The following ZFPM2 variants were observed in gnomAD, a reference collection of about 807,000 sequenced individuals.
ZFPM2 encodes the protein zinc finger protein, FOG family member 2.
ZFPM2 carries 20 observed loss-of-function variants against 98.6 expected under a neutral mutation model. The observed-to-expected ratio is 0.20, with a 90% CI of 0.14 to 0.29. The LOEUF (loss-of-function observed/expected upper bound fraction) is 0.29. Ranked by LOEUF, ZFPM2 falls within the 10% of genes least tolerant of loss-of-function variation. ZFPM2 has a pLI of 1.00. For synonymous variants in ZFPM2, 518 were observed against 502.7 expected (o/e 1.03, Z -0.41); for missense variants, 1,310 against 1,388.6 (o/e 0.94, Z 0.90).
intron 5 of ZFPM2, among the ~76,000 whole-genome samples, chr8:105,710,663 T>TTGTGTG (rs34170034): frequency 5.6e-5 from 8 of 143,812 alleles, no homozygotes; most frequent in Non-Finnish European, 7.7e-5. Flanking sequence ...ATGCACAAAA[T>TTGTGTG]TGTGTGTGTG....
intron 4 of ZFPM2, among the ~76,000 whole-genome samples, chr8:105,617,142 C>T (rs1458752495): frequency 2.7e-5 from 4 of 145,662 alleles, no homozygotes; most frequent in Non-Finnish European, 6.0e-5. Flanking sequence ...GTGTTTTCTG[C>T]GTCGTTTCCT....
At chr8:105,413,600 A>G (rs975799093) in intron 1 of ZFPM2, among the ~76,000 whole-genome samples, 1 of 151,154 alleles carries the variant, frequency 6.6e-6, no homozygotes, top group Non-Finnish European at 1.5e-5. Flanking sequence ...TTTGTTTTAT[A>G]TACATTGGAG....
chr8:105,439,163 T>C (rs946458523), intron 2 of ZFPM2, among the ~76,000 whole-genome samples: 1 of 152,238 alleles, frequency 6.6e-6, no homozygotes, highest in African/African-American at 2.4e-5. Flanking sequence ...TTTGTGTGAA[T>C]GTAAGGACAA....
chr8:105,632,715 T>C (rs570499523), intron 4 of ZFPM2, among the ~76,000 whole-genome samples: 70 of 152,282 alleles, frequency 4.6e-4, no homozygotes, highest in African/African-American at 1.4e-3. Flanking sequence ...GAATATAAAA[T>C]TACATCTTTT....
chr8:105,371,501 T>C (rs1267519349), intron 1 of ZFPM2, among the ~76,000 whole-genome samples: 1 of 152,102 alleles, frequency 6.6e-6, no homozygotes, highest in Non-Finnish European at 1.5e-5. Flanking sequence ...GATCAAAAGT[T>C]ATGTAAGAAC....
chr8:105,797,895 G>A (rs1037681789), intron 6 of ZFPM2, among the ~76,000 whole-genome samples: 1 of 152,150 alleles, frequency 6.6e-6, no homozygotes, highest in African/African-American at 2.4e-5. Flanking sequence ...AATGTAATTA[G>A]CTGACCACAT....
chr8:105,611,134 A>AT (rs1046190030), intron 4 of ZFPM2, among the ~76,000 whole-genome samples: 1 of 152,126 alleles, frequency 6.6e-6, no homozygotes, highest in African/African-American at 2.4e-5. Flanking sequence ...ACTTTTGCTT[A>AT]TTATATTAAC....
chr8:105,396,686 G>A (rs1395783804), intron 1 of ZFPM2, among the ~76,000 whole-genome samples: 1 of 152,114 alleles, frequency 6.6e-6, no homozygotes. Flanking sequence ...TACTTTTTAT[G>A]TTGCATTTCA....
Position 105,686,529 on chromosome 8 carries a change from CAT to C in ZFPM2, c.532+52173_532+52174del, listed in dbSNP as rs75344635. Among the ~76,000 whole-genome samples, 615 of 152,170 alleles carry C rather than the reference CAT, an allele frequency of 4.0e-3. 1 individual carries two copies. The highest frequency in any genetic ancestry group is 6.5e-3 in the Non-Finnish European group (441 of 67,994). Reference sequence around the variant, plus strand: ...GTTCATTTCTTCCGAGTTGACAACACATGTTTGAAACATATGTAGGAAATATA... The same window carrying C: ...GTTCATTTCTTCCGAGTTGACAACACGTTTGAAACATATGTAGGAAATATA... On this transcript the variant is annotated intron_variant, in intron 5 of 7. Transcript: ENST00000407775.
rs1261882920 is a variant in ZFPM2 at position 105,563,578 on chromosome 8, G to T, written c.420+2097G>T. 5.3e-5 allele frequency among the ~76,000 whole-genome samples: 8 copies of T among 152,226 alleles called. No individual in the cohort carries two copies. In the East Asian group the frequency reaches 1.4e-3, roughly 26 times the overall value. On this transcript the variant is annotated intron_variant, in intron 4 of 7. Transcript: ENST00000407775. ...CACAAAATGCAGGCCTCAGTTGATT[G>T]AGTTGTATTAACAGATTGTTTTATT...
At chr8:105,454,302 C>G (rs1360315665) in intron 3 of ZFPM2, among the ~76,000 whole-genome samples, 2 of 152,098 alleles carry the variant, frequency 1.3e-5, no homozygotes, top group African/African-American at 2.4e-5. Flanking sequence ...CGATACCCCA[C>G]ATTTCTTGTA....
At chr8:105,584,117 A>T (rs2130749028) in intron 4 of ZFPM2, among the ~76,000 whole-genome samples, 1 of 152,182 alleles carries the variant, frequency 6.6e-6, no homozygotes, top group East Asian at 1.9e-4. Context: ...CAGCTGAAAT[A>T]ATTGTGCAGA....
intron 3 of ZFPM2, among the ~76,000 whole-genome samples, chr8:105,527,526 C>G (rs1814200639): frequency 6.6e-6 from 1 of 152,204 alleles, no homozygotes; most frequent in African/African-American, 2.4e-5. Flanking sequence ...ACTCATGAAG[C>G]AGAGCTGAAC....
chr8:105,646,602 G>A (rs1817053016), intron 5 of ZFPM2, among the ~76,000 whole-genome samples: 1 of 152,026 alleles, frequency 6.6e-6, no homozygotes, highest in African/African-American at 2.4e-5. Flanking sequence ...GAGTAGGCAG[G>A]ACTTATCAAC....
At chr8:105,794,358 G>A (rs1813724269) in intron 6 of ZFPM2, among the ~76,000 whole-genome samples, 2 of 152,198 alleles carry the variant, frequency 1.3e-5, no homozygotes, top group Non-Finnish European at 2.9e-5. Context: ...GATGCTGTTT[G>A]CCTAGGTAGC....
At chr8:105,443,424 T>C in intron 2 of ZFPM2, among the ~76,000 whole-genome samples, 1 of 152,236 alleles carries the variant, frequency 6.6e-6, no homozygotes, top group South Asian at 2.1e-4. Flanking sequence ...TTATTTTGTT[T>C]CTATTTTATT....
At chr8:105,798,524 G>A (rs1289438041) in intron 6 of ZFPM2, 200 bp from the exon 7 acceptor site, 3 of 510,052 alleles carry the variant, frequency 5.9e-6, no homozygotes, top group African/African-American at 5.7e-5. Flanking sequence ...GAGTCTGTGG[G>A]AAGTTAAATT....
intron 3 of ZFPM2, among the ~76,000 whole-genome samples, chr8:105,498,185 G>A (rs543188648): frequency 6.6e-6 from 1 of 152,184 alleles, no homozygotes; most frequent in African/African-American, 2.4e-5. Flanking sequence ...GTGACAGTGA[G>A]ACCCCATCTC....
chr8:105,590,357 A>G (rs1815815222), intron 4 of ZFPM2, among the ~76,000 whole-genome samples: 1 of 152,184 alleles, frequency 6.6e-6, no homozygotes, highest in Non-Finnish European at 1.5e-5. Context: ...GAGGATAATA[A>G]CCACAATATT....
Sources: allele counts gnomAD v4.1 joint callset (sites outside exome capture counted in the v4.1 genomes callset), GRCh38; gene constraint gnomAD v4.1.1; transcripts MANE v1.5; gene names NCBI Gene and HGNC (gene_info 2026-07-23, HGNC 2026-07-21).